ABCA12: variants seen among roughly 807,000 people sequenced by gnomAD.
The protein encoded by ABCA12 is ATP binding cassette subfamily A member 12, also known as glucosylceramide transporter ABCA12.
ABCA12 carries 156 observed loss-of-function variants against 293.5 expected under a neutral mutation model. That is an observed-to-expected ratio of 0.53 (90% CI 0.47 to 0.61). The LOEUF (loss-of-function observed/expected upper bound fraction) is 0.61, where lower values mean the gene tolerates loss of function less well. Ranked by LOEUF, ABCA12 falls within the 20% of genes least tolerant of loss-of-function variation. The pLI is 0.00. For synonymous variants in ABCA12, 1,063 were observed against 1,108.0 expected, an observed-to-expected ratio of 0.96 and a Z score of 0.81; for missense variants, 2,797 against 3,090.2, an observed-to-expected ratio of 0.91 and a Z score of 2.25.
At chr2:215,070,682 A>G (rs1443238482) in intron 2 of ABCA12, among the ~76,000 whole-genome samples, 23 of 151,894 alleles carry the variant, frequency 1.5e-4, no homozygotes, top group Admixed American at 1.5e-3. Flanking sequence ...ATGATTAAAA[A>G]TTGTTCATCT....
rs769469977 is a variant in ABCA12, at chr2:214,937,623, GA to G, written c.7437-9del. 1.2e-6 allele frequency: 2 copies of G among 1,607,078 alleles called. No homozygotes were observed. Among genetic ancestry groups the G allele is most frequent in the East Asian group, 2.2e-5 (1 of 44,820 alleles). On this transcript the variant is annotated splice_polypyrimidine_tract_variant and intron_variant, in intron 50 of 52. Transcript: ENST00000272895. Reference sequence around the variant, plus strand: ...GTAAATCCTCGTCCAAACCTAGAAAGAAAAAGTGCAAAATATGATATGAATT... The same window carrying G: ...GTAAATCCTCGTCCAAACCTAGAAAGAAAAGTGCAAAATATGATATGAATT...
intron 44 of ABCA12, among the ~76,000 whole-genome samples, chr2:214,952,523 A>C (rs1227085718): frequency 1.3e-5 from 2 of 151,804 alleles, no homozygotes; most frequent in Non-Finnish European, 2.9e-5. Context: ...ACCTTATAAC[A>C]CCCTATCGTG....
At chr2:215,051,684 G>GGA (rs148312850) in intron 5 of ABCA12, among the ~76,000 whole-genome samples, 29,557 of 141,326 alleles carry the variant, frequency 0.21, 3,232 homozygotes, top group East Asian at 0.42. Context: ...AAGGTGAGTG[G>GGA]GAGAGAGAGA....
chr2:215,134,297 C>T, intron 1 of ABCA12, among the ~76,000 whole-genome samples: 1 of 137,290 alleles, frequency 7.3e-6, no homozygotes, highest in African/African-American at 2.7e-5. Context: ...TGTATATGTA[C>T]ATATATACGT....
chr2:215,041,426 C>A (rs901346916), intron 7 of ABCA12, among the ~76,000 whole-genome samples: 4 of 152,056 alleles, frequency 2.6e-5, no homozygotes, highest in Non-Finnish European at 5.9e-5. Context: ...GTGGCACGTG[C>A]CTGTAGTCCC....
chr2:215,112,155 T>A (rs1702584734), intron 1 of ABCA12, among the ~76,000 whole-genome samples: 1 of 152,126 alleles, frequency 6.6e-6, no homozygotes. Context: ...GTGTGTGAAG[T>A]GGGTCATGAC....
intron 36 of ABCA12, 114 bp from the exon 37 acceptor site, chr2:214,970,514 G>A: frequency 8.5e-7 from 1 of 1,178,688 alleles, no homozygotes; most frequent in Non-Finnish European, 1.2e-6. Flanking sequence ...CTGGTAGAGT[G>A]TGATAAGACT....
chr2:215,045,561 C>CG (rs1701184733), intron 7 of ABCA12, among the ~76,000 whole-genome samples: 1 of 152,158 alleles, frequency 6.6e-6, no homozygotes, highest in African/African-American at 2.4e-5. Context: ...TCCTGCTGTA[C>CG]ACCTCATTCT....
chr2:214,965,783 A>C (rs904524745), intron 39 of ABCA12, among the ~76,000 whole-genome samples: 1 of 152,102 alleles, frequency 6.6e-6, no homozygotes, highest in African/African-American at 2.4e-5. Context: ...ACTGTTTGTT[A>C]GTAAGAATGT....
chr2:215,087,646 T>C (rs1702069202), intron 2 of ABCA12, among the ~76,000 whole-genome samples: 1 of 152,050 alleles, frequency 6.6e-6, no homozygotes, highest in Non-Finnish European at 1.5e-5. Flanking sequence ...TATTAAAGGA[T>C]GAAATTTGGG....
rs1380925203 is a variant in ABCA12, at chr2:215,051,702, T to A, written c.507+785A>T. On this transcript the variant is annotated intron_variant, in intron 5 of 52. Coordinates refer to ENST00000272895, the MANE Select transcript of ABCA12 (RefSeq NM_173076.3). ...GTGAGTGGGAGAGAGAGAGAGAGAA[T>A]AGTATCTCTAATGCCAAATGTTGAA... Among the ~76,000 whole-genome samples, 3 of 119,028 alleles carry A rather than the reference T, an allele frequency of 2.5e-5. No homozygotes were observed. In the East Asian group the frequency reaches 8.3e-4, roughly 33 times the overall value. 78.1% of individuals were successfully genotyped at this position (119,028 alleles called of 152,430 possible). A position where few individuals can be genotyped will look rare whatever the true frequency, so the allele number is the denominator to read the frequency against.
intron 2 of ABCA12, among the ~76,000 whole-genome samples, chr2:215,085,003 A>T (rs1232693473): frequency 2.0e-5 from 3 of 150,584 alleles, no homozygotes; most frequent in Non-Finnish European, 4.4e-5. Context: ...CTGAGGCAGA[A>T]GAGTGGCTCG....
chr2:215,124,860 T>C (rs1302809272), intron 1 of ABCA12, among the ~76,000 whole-genome samples: 5 of 152,228 alleles, frequency 3.3e-5, no homozygotes, highest in Non-Finnish European at 5.9e-5. Context: ...TTTGGGTTCT[T>C]GGTCATGAAA....
At chr2:214,982,517 G>A (rs1193097622) in intron 29 of ABCA12, 134 bp from the exon 30 acceptor site, 7 of 664,908 alleles carry the variant, frequency 1.1e-5, no homozygotes, top group African/African-American at 7.3e-5. Flanking sequence ...AAACTCTTGA[G>A]GATTCATAAT....
At chr2:214,952,797 C>A (rs1032107574) in intron 44 of ABCA12, among the ~76,000 whole-genome samples, 4 of 152,208 alleles carry the variant, frequency 2.6e-5, no homozygotes, top group African/African-American at 9.6e-5. Context: ...ACATGTTAAA[C>A]TGTAACTCCT....
intron 1 of ABCA12, among the ~76,000 whole-genome samples, chr2:215,133,320 G>A (rs1703105014): frequency 6.6e-6 from 1 of 151,414 alleles, no homozygotes; most frequent in South Asian, 2.1e-4. Flanking sequence ...AAGCAAGATT[G>A]GGGAAATTTT....
intron 1 of ABCA12, among the ~76,000 whole-genome samples, chr2:215,134,757 C>T (rs1703174325): frequency 6.6e-6 from 1 of 150,520 alleles, no homozygotes; most frequent in South Asian, 2.1e-4. Flanking sequence ...AGGTAATCCT[C>T]CCACCGCAAC....
chr2:215,099,092 T>C (rs949032740), intron 2 of ABCA12, among the ~76,000 whole-genome samples: 1 of 152,208 alleles, frequency 6.6e-6, no homozygotes, highest in Non-Finnish European at 1.5e-5. Flanking sequence ...TGTGGCAGTG[T>C]GATGCTCTAA....
At chr2:215,009,914 T>A (rs1700334833) in intron 18 of ABCA12, among the ~76,000 whole-genome samples, 1 of 152,206 alleles carries the variant, frequency 6.6e-6, no homozygotes, top group Non-Finnish European at 1.5e-5. Context: ...TACAACTAAA[T>A]ATGAAGCCAA....
Sources: allele counts gnomAD v4.1 joint callset (sites outside exome capture counted in the v4.1 genomes callset), GRCh38; gene constraint gnomAD v4.1.1; transcripts MANE v1.5; gene names NCBI Gene and HGNC (gene_info 2026-07-23, HGNC 2026-07-21).